SPATA3: variants seen among roughly 807,000 people sequenced by gnomAD.
SPATA3 encodes the protein spermatogenesis-associated protein 3.
A neutral mutation model predicts 5.7 loss-of-function variants in SPATA3; 6 were observed. The ratio of observed to expected loss-of-function variants is 1.06; its 90% confidence interval spans 0.58 to 2.09. The LOEUF (loss-of-function observed/expected upper bound fraction) is 2.09. SPATA3 is among the 30% of genes most tolerant of loss of function. The probability of loss-of-function intolerance (pLI) is 0.00; values close to 1 mark genes in which losing one functional copy is unlikely to be tolerated. For synonymous variants in SPATA3, 44 were observed against 48.4 expected (o/e 0.91, Z 0.37); for missense variants, 155 against 130.4 (o/e 1.19, Z -0.92).
chr2:231,005,135 A>T (rs1692514999), downstream of SPATA3, among the ~76,000 whole-genome samples: 1 of 60,226 alleles, frequency 1.7e-5, no homozygotes, highest in Non-Finnish European at 3.8e-5. Context: ...CATCATCATC[A>T]CCACCACCAC....
chr2:231,007,609 C>T (rs1692674198), downstream of SPATA3, among the ~76,000 whole-genome samples: 1 of 152,248 alleles, frequency 6.6e-6, no homozygotes, highest in South Asian at 2.1e-4. Flanking sequence ...GCCGGTTCGC[C>T]TCCAGGCCTG....
intron 2 of SPATA3, among the ~76,000 whole-genome samples, chr2:231,000,981 C>T (rs1419298264): frequency 6.6e-6 from 1 of 152,182 alleles, no homozygotes; most frequent in Non-Finnish European, 1.5e-5. Context: ...CGAATGTCGC[C>T]CAGAATTTAA....
exon 6 of SPATA3, chr2:231,014,197 A>G (rs1263951714): frequency 6.6e-6 from 1 of 152,238 alleles, no homozygotes; most frequent in African/African-American, 2.4e-5. Flanking sequence ...ATTTGAGAAT[A>G]AGTTTCACTT....
chr2:231,004,061 G>C (rs1184458985), downstream of SPATA3: 6 of 152,216 alleles, frequency 3.9e-5, no homozygotes, highest in African/African-American at 1.4e-4. Flanking sequence ...CCCAGGAGTT[G>C]ATAGGTGATG....
chr2:231,005,149 C>T (rs1692517580), downstream of SPATA3, among the ~76,000 whole-genome samples: 1 of 76,576 alleles, frequency 1.3e-5, no homozygotes, highest in South Asian at 4.5e-4. Flanking sequence ...CCACCACCAT[C>T]ACCATCACCA....
chr2:231,005,010 C>T (rs201444612), downstream of SPATA3, among the ~76,000 whole-genome samples: 9 of 141,880 alleles, frequency 6.3e-5, no homozygotes, highest in East Asian at 2.1e-4. Flanking sequence ...ATCATCACCA[C>T]CATCATCACC....
At chr2:231,002,653 C>T (rs2125101819) in intron 2 of SPATA3, 31 bp from the exon 3 acceptor site, 1 of 1,391,678 alleles carries the variant, frequency 7.2e-7, no homozygotes, top group South Asian at 1.5e-5. Context: ...GCCCAGCTTC[C>T]CACCACCCCC....
downstream of SPATA3, among the ~76,000 whole-genome samples, chr2:231,005,346 TCAC>T (rs1692554464): frequency 3.3e-5 from 2 of 61,108 alleles, no homozygotes; most frequent in Admixed American, 1.6e-4. Flanking sequence ...ATCACCATCA[TCAC>T]CATCACCACC....
chr2:231,003,474 A>G (rs1325724721), downstream of SPATA3, among the ~76,000 whole-genome samples: 1 of 152,202 alleles, frequency 6.6e-6, no homozygotes, highest in Non-Finnish European at 1.5e-5. Context: ...AAGAAGAGGC[A>G]AGGGAAGGAG....
At chr2:231,017,021 A>G (rs997619896) in intron 6 of SPATA3, among the ~76,000 whole-genome samples, 1 of 152,188 alleles carries the variant, frequency 6.6e-6, no homozygotes, top group Non-Finnish European at 1.5e-5. Context: ...TCTATGTAAT[A>G]TCTCATTTTT....
chr2:231,011,756 C>T (rs1692794278), downstream of SPATA3, among the ~76,000 whole-genome samples: 1 of 152,204 alleles, frequency 6.6e-6, no homozygotes, highest in African/African-American at 2.4e-5. Flanking sequence ...CCTGCCAAGG[C>T]CCCAGGCTCA....
downstream of SPATA3, among the ~76,000 whole-genome samples, chr2:231,004,422 C>T (rs1462893501): frequency 6.6e-6 from 1 of 152,160 alleles, no homozygotes; most frequent in African/African-American, 2.4e-5. Flanking sequence ...CTGCCGGCTC[C>T]TTTCTTGACT....
chr2:231,004,672 C>T (rs1411394639), downstream of SPATA3, among the ~76,000 whole-genome samples: 1 of 152,144 alleles, frequency 6.6e-6, no homozygotes, highest in Non-Finnish European at 1.5e-5. Context: ...GCAGCAGAAC[C>T]TACTGGTTGT....
chr2:231,016,522 AAAG>A lies in SPATA3; in HGVS notation c.*565+2320_*565+2322del, dbSNP rs1229763365. Among the ~76,000 whole-genome samples the A allele has an allele frequency of 6.7e-3, 968 of 143,920 alleles. 12 individuals are homozygous for A. Among genetic ancestry groups the A allele is most frequent in the Middle Eastern group, 0.011 (3 of 272 alleles). The allele number at this position is 143,920 out of a possible 152,430, so 94.4% of individuals were successfully genotyped here. A position where few individuals can be genotyped will look rare whatever the true frequency, so the allele number is the denominator to read the frequency against. ...CTGTCTCTACAAAAAAAAAAAAAAAAAAGAAGAAGAAGGTTAGCTGGGTGTGGT... is the reference window on the plus strand; with the variant it reads ...CTGTCTCTACAAAAAAAAAAAAAAAAAAGAAGAAGGTTAGCTGGGTGTGGT... On this transcript the variant is annotated intron_variant, in intron 6 of 8. Transcript: ENST00000452881.
downstream of SPATA3, among the ~76,000 whole-genome samples, chr2:231,008,593 C>T (rs1039895848): frequency 6.6e-6 from 1 of 151,806 alleles, no homozygotes; most frequent in Non-Finnish European, 1.5e-5. Context: ...GTGGGAGTTG[C>T]GTGGGGTCGT....
Position 230,999,950 on chromosome 2 carries a change from C to G in SPATA3, c.791-416C>G, listed in dbSNP as rs1210541030. On this transcript the variant is annotated intron_variant, in intron 1 of 2. Coordinates refer to ENST00000645363, the Ensembl canonical transcript of SPATA3. ...AGCCTCAGTTTCCTTATTTGTAAAACAAGACCAGCAGTATCCCCTTTACAG... is the reference window on the plus strand; with the variant it reads ...AGCCTCAGTTTCCTTATTTGTAAAAGAAGACCAGCAGTATCCCCTTTACAG... 4 of 159,696 alleles carry G rather than the reference C, an allele frequency of 2.5e-5. No homozygotes were observed. In the East Asian group the frequency reaches 7.4e-4, roughly 30 times the overall value. 9.9% of individuals were successfully genotyped at this position (159,696 alleles called of 1,614,324 possible).
At position 231,019,133 on chromosome 2, in the gene SPATA3, ATTT is replaced by A. The variant is rs10715003; in HGVS notation, c.*566-580_*566-578del. Among the ~76,000 whole-genome samples, 35 of 148,820 alleles carry A rather than the reference ATTT, an allele frequency of 2.4e-4. 1 individual carries two copies. The highest frequency in any genetic ancestry group is 8.2e-4 in the African/African-American group (33 of 40,344). ...AGGCGCCCGCCACAACGCTTGGCTA[ATTT>A]TTTTTTGTATTTTTAGTAGAGACGG... On this transcript the variant is annotated intron_variant, in intron 6 of 8. Transcript: ENST00000452881.
downstream of SPATA3, chr2:231,007,410 A>G (rs1174845947): frequency 6.6e-6 from 1 of 152,222 alleles, no homozygotes; most frequent in Non-Finnish European, 1.5e-5. Context: ...GGTGCCTGTC[A>G]TTCCTGTTCA....
downstream of SPATA3, among the ~76,000 whole-genome samples, chr2:231,010,790 T>C (rs1437624011): frequency 2.0e-5 from 3 of 151,906 alleles, no homozygotes; most frequent in East Asian, 5.8e-4. Flanking sequence ...TCAACTGGCC[T>C]GGTGCAGTGG....
Sources: allele counts gnomAD v4.1 joint callset (sites outside exome capture counted in the v4.1 genomes callset), GRCh38; gene constraint gnomAD v4.1.1; transcripts MANE v1.5; gene names NCBI Gene and HGNC (gene_info 2026-07-23, HGNC 2026-07-21).